KIRREL3: variants seen among roughly 807,000 people sequenced by gnomAD.
The protein encoded by KIRREL3 is kin of IRRE-like protein 3.
In KIRREL3, 36 loss-of-function variants were observed where a neutral mutation model predicts 89.7. The observed-to-expected ratio is 0.40, with a 90% confidence interval of 0.31 to 0.53. The LOEUF (loss-of-function observed/expected upper bound fraction) is 0.53. Ranked by LOEUF, KIRREL3 falls within the 20% of genes least tolerant of loss-of-function variation. KIRREL3 has a pLI of 0.49. For missense variants in KIRREL3, 864 were observed against 1,056.6 expected, an observed-to-expected ratio of 0.82 and a Z score of 2.53; for synonymous variants, 445 against 441.4, an observed-to-expected ratio of 1.01 and a Z score of -0.10.
intron 1 of KIRREL3, among the ~76,000 whole-genome samples, chr11:126,581,237 C>G (rs1941533752): frequency 6.6e-6 from 1 of 152,134 alleles, no homozygotes; most frequent in Non-Finnish European, 1.5e-5. Context: ...GAGTCTCACT[C>G]TGTTGCCCAG....
intron 1 of KIRREL3, among the ~76,000 whole-genome samples, chr11:126,827,576 C>A (rs367910285): frequency 1.3e-5 from 2 of 152,128 alleles, no homozygotes; most frequent in African/African-American, 4.8e-5. Flanking sequence ...AATGCACTTT[C>A]GAGGATATTC....
At chr11:126,745,093 G>C (rs971038790) in intron 1 of KIRREL3, among the ~76,000 whole-genome samples, 2 of 152,096 alleles carry the variant, frequency 1.3e-5, no homozygotes, top group African/African-American at 4.8e-5. Flanking sequence ...ACCTCCCTGT[G>C]GCCCTTTCCT....
At chr11:126,672,175 CA>C (rs1290492039) in intron 1 of KIRREL3, among the ~76,000 whole-genome samples, 1 of 152,114 alleles carries the variant, frequency 6.6e-6, no homozygotes, top group Non-Finnish European at 1.5e-5. Flanking sequence ...TGTGGAACAG[CA>C]AAAATCTATT....
At chr11:126,865,184 A>T (rs1944877444) in intron 1 of KIRREL3, among the ~76,000 whole-genome samples, 1 of 152,304 alleles carries the variant, frequency 6.6e-6, no homozygotes, top group South Asian at 2.1e-4. Context: ...CCCATTTACC[A>T]TCTGTAGCTA....
chr11:126,932,006 G>A (rs1947966826), intron 1 of KIRREL3, among the ~76,000 whole-genome samples: 1 of 152,204 alleles, frequency 6.6e-6, no homozygotes, highest in Admixed American at 6.5e-5. Context: ...AATGTATCAA[G>A]GAGGCTTGGT....
Position 126,684,956 on chromosome 11 carries a change from C to T in KIRREL3, c.56-122044G>A, listed in dbSNP as rs1946611231. Among the ~76,000 whole-genome samples, 1 of 152,168 alleles carries T rather than the reference C, an allele frequency of 6.6e-6. No homozygotes were observed. Among genetic ancestry groups the T allele is most frequent in the Non-Finnish European group, 1.5e-5 (1 of 68,020 alleles). The stretch of plus-strand genomic sequence containing the variant: ...TCCCCCCTCCCTTTTGTCCTCTTCT[C>T]TCTTCCTCTCTCCCTCATTTCTGGC... On this transcript the variant is annotated intron_variant, in intron 1 of 16. Transcript: ENST00000525144. The surrounding 1 kb of genome is among the most constrained non-coding windows in gnomAD (Gnocchi z 4.2).
chr11:126,831,242 T>G (rs867662130), intron 1 of KIRREL3, among the ~76,000 whole-genome samples: 1 of 152,204 alleles, frequency 6.6e-6, no homozygotes, highest in Non-Finnish European at 1.5e-5. Context: ...TCCCACCTAT[T>G]CACTGGTGTG....
rs621876 is a variant in KIRREL3 at position 126,623,815 on chromosome 11, C to G, written c.56-60903G>C. Among the ~76,000 whole-genome samples, 2 of 152,146 alleles carry G rather than the reference C, an allele frequency of 1.3e-5. No homozygotes were observed. Among genetic ancestry groups the G allele is most frequent in the Admixed American group, 6.5e-5 (1 of 15,278 alleles). Reference sequence around the variant, plus strand: ...AATAAACAAACCAACTTACAGAAAACCCCTTTCCCTGTGTTGAGGCCCTCT... The same window carrying G: ...AATAAACAAACCAACTTACAGAAAAGCCCTTTCCCTGTGTTGAGGCCCTCT... On this transcript the variant is annotated intron_variant, in intron 1 of 16. Coordinates refer to ENST00000525144, the MANE Select transcript of KIRREL3 (RefSeq NM_032531.4). This position sits in a 1 kb window ranked among gnomAD's most constrained non-coding sequence, Gnocchi z 4.1.
chr11:126,736,628 C>T lies in KIRREL3; in HGVS notation c.56-173716G>A, dbSNP rs1315616588. Among the ~76,000 whole-genome samples, 1 of 152,032 alleles carries T rather than the reference C, an allele frequency of 6.6e-6. No homozygotes were observed. Among genetic ancestry groups the T allele is most frequent in the Admixed American group, 6.6e-5 (1 of 15,262 alleles). On this transcript the variant is annotated intron_variant, in intron 1 of 16. Transcript: ENST00000525144. The surrounding 1 kb of genome is among the most constrained non-coding windows in gnomAD (Gnocchi z 5.0). ...CTGCTCCTGGCCTCCAGTGAGGAGC[C>T]CAGGGTGCTGCTAACCACTCTGCAA...
rs541704895 is a variant in KIRREL3 at position 126,609,169 on chromosome 11, G to T, written c.56-46257C>A. Among the ~76,000 whole-genome samples, 3 of 152,130 alleles carry T rather than the reference G, an allele frequency of 2.0e-5. No individual in the cohort carries two copies. Among genetic ancestry groups the T allele is most frequent in the African/African-American group, 7.2e-5 (3 of 41,430 alleles). On this transcript the variant is annotated intron_variant, in intron 1 of 16. Transcript: ENST00000525144. The surrounding 1 kb of genome is among the most constrained non-coding windows in gnomAD (Gnocchi z 5.0). ...AGCCCAGGTTGGGTTTGTTTTCCCC[G>T]CTCTGAGACCGGACCTCAGGAAAGG...
rs140182727 is a variant in KIRREL3, at chr11:126,924,013, C to T, written c.55+76442G>A. On this transcript the variant is annotated intron_variant, in intron 1 of 16. Coordinates refer to ENST00000525144, the MANE Select transcript of KIRREL3 (RefSeq NM_032531.4). This position sits in a 1 kb window ranked among gnomAD's most constrained non-coding sequence, Gnocchi z 4.7. Reference sequence around the variant, plus strand: ...GGCTAGAGCATCATCCAAGGCTTCCCCATTTCCCTTAGCCCCTATGACCAG... The same window carrying T: ...GGCTAGAGCATCATCCAAGGCTTCCTCATTTCCCTTAGCCCCTATGACCAG... 8.5e-5 allele frequency among the ~76,000 whole-genome samples: 13 copies of T among 152,332 alleles called. No homozygotes were observed. The highest frequency in any genetic ancestry group is 3.3e-4 in the Admixed American group (5 of 15,306).
In KIRREL3 at chr11:126,523,463, G is replaced by A. The variant is rs764637242; in HGVS notation, c.284-1999C>T. ...TCTGGAGTGCTTCCTGTGCAGCTGG[G>A]CCCTTCAGACTCATGTCTTCATGGC... On this transcript the variant is annotated intron_variant, in intron 3 of 16. Coordinates refer to ENST00000525144, the MANE Select transcript of KIRREL3 (RefSeq NM_032531.4). The surrounding 1 kb of genome is among the most constrained non-coding windows in gnomAD (Gnocchi z 4.9). 6.6e-6 allele frequency among the ~76,000 whole-genome samples: 1 copy of A among 152,100 alleles called. No homozygotes were observed. The highest frequency in any genetic ancestry group is 1.5e-5 in the Non-Finnish European group (1 of 68,026).
At chr11:126,517,642 C>G (rs1183649506) in intron 4 of KIRREL3, among the ~76,000 whole-genome samples, 1 of 152,216 alleles carries the variant, frequency 6.6e-6, no homozygotes, top group Non-Finnish European at 1.5e-5. Context: ...CAGTTTTCTT[C>G]TAAGCCTCGG....
At chr11:126,450,566 CGTGTGCAT>C (rs1365862342) in intron 7 of KIRREL3, among the ~76,000 whole-genome samples, 9 of 114,158 alleles carry the variant, frequency 7.9e-5, no homozygotes, top group East Asian at 2.9e-4. Flanking sequence ...TGTGCATGTG[CGTGTGCAT>C]GTGTGCATGT....
intron 1 of KIRREL3, among the ~76,000 whole-genome samples, chr11:126,998,199 G>A (rs574171028): frequency 2.8e-4 from 42 of 152,258 alleles, no homozygotes; most frequent in Admixed American, 1.4e-3. Flanking sequence ...ATCCTCTGGG[G>A]AATTCATAAT....
chr11:126,921,902 C>G (rs2134981883), intron 1 of KIRREL3, among the ~76,000 whole-genome samples: 1 of 151,936 alleles, frequency 6.6e-6, no homozygotes, highest in South Asian at 2.1e-4. Context: ...CCCTATCTAT[C>G]TATCTATCTT....
chr11:126,644,693 A>C (rs532581175), intron 1 of KIRREL3, among the ~76,000 whole-genome samples: 1 of 152,326 alleles, frequency 6.6e-6, no homozygotes, highest in Non-Finnish European at 1.5e-5. Context: ...TATTGGGGCA[A>C]ATTGCTGAAA....
Position 126,687,979 on chromosome 11 carries a change from A to C in KIRREL3, c.56-125067T>G, listed in dbSNP as rs144395774. Among the ~76,000 whole-genome samples, 63 of 152,382 alleles carry C rather than the reference A, an allele frequency of 4.1e-4. No homozygotes were observed. Among genetic ancestry groups the C allele is most frequent in the African/African-American group, 1.5e-3 (63 of 41,596 alleles). On this transcript the variant is annotated intron_variant, in intron 1 of 16. Transcript: ENST00000525144. The surrounding 1 kb of genome is among the most constrained non-coding windows in gnomAD (Gnocchi z 4.6). ...ATCAAAGGTATTCCAGTGCCAGTTA[A>C]ATTTGAGAGAGAAATCATTTTATTT...
chr11:126,945,564 G>A (rs1285677140), intron 1 of KIRREL3, among the ~76,000 whole-genome samples: 1 of 152,146 alleles, frequency 6.6e-6, no homozygotes, highest in African/African-American at 2.4e-5. Flanking sequence ...CAGATCTCAG[G>A]TTTCCCCTGA....
Sources: allele counts gnomAD v4.1 joint callset (sites outside exome capture counted in the v4.1 genomes callset), GRCh38; gene constraint gnomAD v4.1.1; non-coding constraint Gnocchi (gnomAD v3.1); transcripts MANE v1.5; gene names NCBI Gene and HGNC (gene_info 2026-07-23, HGNC 2026-07-21).